The following DMXL2 variants were observed in gnomAD, a reference collection of about 807,000 sequenced individuals.
DMXL2 encodes the protein dmX-like protein 2.
In DMXL2, 103 loss-of-function variants were observed where a neutral mutation model predicts 331.1. That is an observed-to-expected ratio of 0.31 (90% CI 0.27 to 0.37). The LOEUF (loss-of-function observed/expected upper bound fraction) is 0.37, where lower values mean the gene tolerates loss of function less well. Among genes scored for constraint, DMXL2 ranks in the 10% least tolerant of loss-of-function variants. The pLI is 1.00. For synonymous variants in DMXL2, 1,281 were observed against 1,252.1 expected, an observed-to-expected ratio of 1.02 and a Z score of -0.49; for missense variants, 3,171 against 3,642.9, an observed-to-expected ratio of 0.87 and a Z score of 3.33.
chr15:51,458,304 T>C (rs929204106), intron 36 of DMXL2, among the ~76,000 whole-genome samples: 3 of 152,214 alleles, frequency 2.0e-5, no homozygotes, highest in African/African-American at 7.2e-5. Flanking sequence ...ATATTATCAA[T>C]AGTGTAGGGT....
chr15:51,576,058 T>C lies in DMXL2; in HGVS notation c.211A>G (p.Arg71Gly), dbSNP rs2051005842. 3 of 1,603,316 alleles carry C rather than the reference T, an allele frequency of 1.9e-6. No homozygotes were observed. The highest frequency in any genetic ancestry group is 1.7e-6 in the Non-Finnish European group (2 of 1,176,998). ...AGTAAAGAAATTAAATCCCTTACTC[T>C]TCCTTGTTGGTTAGAACACTCCACA... ...SCVECSNQQGRIAASYGNAVC... is the reference protein window; with the variant it reads ...SCVECSNQQGGIAASYGNAVC... The change falls in exon 2 of 44, where the codon AGA becomes GGA. Residue 71 changes from arginine (R) to glycine (G), a missense_variant and splice_region_variant. Physicochemically the swap from Arg to Gly is moderately radical, Grantham distance 125. Coordinates refer to ENST00000560891, the MANE Select transcript of DMXL2 (RefSeq NM_001378457.1).
In DMXL2 at chr15:51,565,116, C is replaced by G. The variant is rs2050188282; in HGVS notation, c.336G>C (p.Val112=). The G allele has an allele frequency of 3.8e-6, 6 of 1,584,142 alleles. No homozygotes were observed. Among genetic ancestry groups the G allele is most frequent in the Non-Finnish European group, 5.1e-6 (6 of 1,167,306 alleles). Residue 112 remains valine (V), a synonymous_variant, in exon 4 of 44, where the codon GTG becomes GTC. Transcript: ENST00000560891. ...GAGGATCCCATGCTAAGTTGTATGT[C>G]ACAGAACTCAAAAAAAACTGCCCAG... ...LKTGQFFLSS[V]TYNLAWDPQD... is the part of the protein sequence containing the mutation.
intron 19 of DMXL2, 125 bp downstream of exon 19, chr15:51,494,899 A>C: frequency 1.8e-6 from 1 of 562,922 alleles, no homozygotes; most frequent in South Asian, 2.7e-5. Context: ...TGACAGAAAG[A>C]TCTTAAGCCA....
chr15:51,535,564 A>C, intron 13 of DMXL2, 99 bp downstream of exon 13: 1 of 1,090,008 alleles, frequency 9.2e-7, no homozygotes, highest in Non-Finnish European at 1.3e-6. Context: ...ACATATACTT[A>C]CTCCCTAAAC....
At chr15:51,615,417 T>G (rs1391763563) in intron 1 of DMXL2, among the ~76,000 whole-genome samples, 1 of 152,200 alleles carries the variant, frequency 6.6e-6, no homozygotes, top group African/African-American at 2.4e-5. Flanking sequence ...TTGTCACAAC[T>G]TCAGTACTAC....
At chr15:51,498,010 A>T (rs963959835) in intron 18 of DMXL2, among the ~76,000 whole-genome samples, 2 of 152,186 alleles carry the variant, frequency 1.3e-5, no homozygotes, top group Non-Finnish European at 2.9e-5. Flanking sequence ...AGGCAGGAGG[A>T]CTGCTTGAGC....
intron 13 of DMXL2, among the ~76,000 whole-genome samples, chr15:51,533,335 G>A (rs1299612886): frequency 2.0e-5 from 3 of 151,926 alleles, no homozygotes; most frequent in Non-Finnish European, 4.4e-5. Flanking sequence ...TATATTTTGA[G>A]TACTATATTA....
At chr15:51,542,203 A>G in intron 9 of DMXL2, 130 bp downstream of exon 9, 1 of 854,686 alleles carries the variant, frequency 1.2e-6, no homozygotes. Flanking sequence ...TTTATATTAT[A>G]TCTCTACTCC....
In DMXL2 at chr15:51,536,218, T is replaced by A; in HGVS notation, c.2262A>T (p.Ser754=). ...GAAGCCAAGCCACATTAGAGAACGC[T>A]GAGGTATGTAAAGAGTTAATTCGAG... The part of the protein sequence containing the change: ...ELARINSLHT[S]AFSNVAWLPT... Residue 754 remains serine, a synonymous_variant, in exon 12 of 44, where the codon TCA becomes TCT. Coordinates refer to ENST00000560891, the MANE Select transcript of DMXL2 (RefSeq NM_001378457.1). 2 of 1,612,228 alleles carry A rather than the reference T, an allele frequency of 1.2e-6. No homozygotes were observed. The highest frequency in any genetic ancestry group is 2.2e-5 in the South Asian group (2 of 90,712).
At chr15:51,509,769 GCCAATATC>G (rs1366619242) in intron 15 of DMXL2, among the ~76,000 whole-genome samples, 6 of 152,150 alleles carry the variant, frequency 3.9e-5, no homozygotes, top group Non-Finnish European at 8.8e-5. Context: ...AAAATTTCAG[GCCAATATC>G]CCTGATGAAC....
At chr15:51,450,687 C>G in intron 42 of DMXL2, 1 of 224,550 alleles carries the variant, frequency 4.5e-6, no homozygotes, top group Non-Finnish European at 8.9e-6. Context: ...CAGCCAAGTG[C>G]TGTACCGTAC....
chr15:51,457,717 TTGTTGTTATCTA>T, intron 36 of DMXL2: 1 of 384,016 alleles, frequency 2.6e-6, no homozygotes. Flanking sequence ...AAACAAAAGT[TTGTTGTTATCTA>T]TGGAAAAATA....
chr15:51,457,463 T>G lies in DMXL2; in HGVS notation c.8202A>C (p.Ser2734=). 1.2e-6 allele frequency: 2 copies of G among 1,613,918 alleles called. No individual in the cohort carries two copies. The highest frequency in any genetic ancestry group is 2.2e-5 in the South Asian group (2 of 90,986). ...GEEYDRESKS[S]DDVDYRGSTT... is the part of the protein sequence containing the mutation. ...TGGAACCACGATAATCAACATCATCTGAACTGTGAAAAACATTCATGTGTT... is the reference window on the plus strand; with the variant it reads ...TGGAACCACGATAATCAACATCATCGGAACTGTGAAAAACATTCATGTGTT... The change falls in exon 37 of 44, where the codon TCA becomes TCC. Residue 2734 remains serine, a synonymous_variant. Transcript: ENST00000560891.
chr15:51,605,836 C>T (rs572594167), intron 1 of DMXL2, among the ~76,000 whole-genome samples: 2 of 42,196 alleles, frequency 4.7e-5, no homozygotes, highest in South Asian at 5.8e-4. Context: ...AGCCACCGCG[C>T]CCGGCCCCAG....
intron 13 of DMXL2, among the ~76,000 whole-genome samples, chr15:51,531,599 AG>A (rs1426240378): frequency 1.3e-5 from 2 of 152,238 alleles, no homozygotes; most frequent in Non-Finnish European, 2.9e-5. Context: ...ACAGAATGAG[AG>A]AAAATATCTT....
intron 6 of DMXL2, among the ~76,000 whole-genome samples, chr15:51,563,048 G>A (rs967683818): frequency 6.6e-6 from 1 of 152,130 alleles, no homozygotes; most frequent in African/African-American, 2.4e-5. Context: ...GAATAATGAG[G>A]CAAGCAGTAC....
Position 51,515,495 on chromosome 15 carries a change from G to A in DMXL2, c.2527-936C>T, listed in dbSNP as rs1228576632. Among the ~76,000 whole-genome samples, 3 of 152,150 alleles carry A rather than the reference G, an allele frequency of 2.0e-5. No individual in the cohort carries two copies. In the East Asian group the frequency reaches 5.8e-4, roughly 29 times the overall value. ...TTATAGGGTATTTTGTGTTTCTCTA[G>A]GTAGAAACATTAAAAATCTCTTCAC... On this transcript the variant is annotated intron_variant, in intron 14 of 43. Coordinates refer to ENST00000560891, the MANE Select transcript of DMXL2 (RefSeq NM_001378457.1).
intron 1 of DMXL2, among the ~76,000 whole-genome samples, chr15:51,617,802 T>G (rs1279988567): frequency 6.6e-6 from 1 of 152,226 alleles, no homozygotes; most frequent in African/African-American, 2.4e-5. Context: ...CCTCCCATTT[T>G]TGGGGAAGAC....
chr15:51,474,256 A>C, intron 28 of DMXL2, 88 bp downstream of exon 28: 1 of 1,318,524 alleles, frequency 7.6e-7, no homozygotes, highest in Admixed American at 2.4e-5. Context: ...CTTATTTTCA[A>C]AGTGAAATTT....
Sources: allele counts gnomAD v4.1 joint callset (sites outside exome capture counted in the v4.1 genomes callset), GRCh38; gene constraint gnomAD v4.1.1; transcripts MANE v1.5; gene names NCBI Gene and HGNC (gene_info 2026-07-23, HGNC 2026-07-21).